FYTTD1: variants seen among roughly 807,000 people sequenced by gnomAD.
FYTTD1 encodes the protein forty-two-three domain containing 1.
In FYTTD1, 22 loss-of-function variants were observed where a neutral mutation model predicts 40.9. That is an observed-to-expected ratio of 0.54 (90% CI 0.38 to 0.77). The LOEUF is 0.77. FYTTD1 is among the 30% of genes least tolerant of loss of function. The pLI is 0.00. For synonymous variants in FYTTD1, 140 were observed against 137.9 expected (o/e 1.01, Z -0.10); for missense variants, 351 against 392.2 (o/e 0.90, Z 0.89).
intron 8 of FYTTD1, among the ~76,000 whole-genome samples, chr3:197,781,051 C>T (rs182426167): frequency 2.0e-4 from 30 of 151,804 alleles, no homozygotes; most frequent in African/African-American, 5.3e-4. Context: ...CGGTGGCTCA[C>T]GCCTGTAATC....
chr3:197,774,817 CA>C (rs1729829000), intron 6 of FYTTD1, among the ~76,000 whole-genome samples: 1 of 151,772 alleles, frequency 6.6e-6, no homozygotes, highest in African/African-American at 2.4e-5. Context: ...ATCGCCAGTG[CA>C]TACCATCCTG....
At chr3:197,770,803 C>T (rs1025280733) in intron 4 of FYTTD1, among the ~76,000 whole-genome samples, 4 of 152,202 alleles carry the variant, frequency 2.6e-5, no homozygotes, top group Non-Finnish European at 5.9e-5. Flanking sequence ...CCCACCTCAG[C>T]CTCCTAAAGT....
At chr3:197,777,071 C>A in intron 7 of FYTTD1, 70 bp downstream of exon 7, 1 of 924,736 alleles carries the variant, frequency 1.1e-6, no homozygotes, top group Non-Finnish European at 1.7e-6. Flanking sequence ...AAGTATTGGA[C>A]TTCTGCTCAG....
rs757445830 is a variant in FYTTD1 at position 197,756,543 on chromosome 3, T to C, written c.221T>C (p.Ile74Thr). ...QQFRMRVRWG[I>T]QQNSGFGKTS... is the part of the protein sequence containing the mutation. ...TTCAGGATGAGAGTGCGATGGGGAA[T>C]CCAACAGAATTCTGGTAAGTTTTGA... Residue 74 changes from isoleucine to threonine, a missense_variant, in exon 2 of 9, where the codon ATC becomes ACC. Transcript: ENST00000241502. The C allele has an allele frequency of 6.2e-7, 1 of 1,613,790 alleles. No homozygotes were observed. Among genetic ancestry groups the C allele is most frequent in the Non-Finnish European group, 8.5e-7 (1 of 1,179,704 alleles).
intron 7 of FYTTD1, among the ~76,000 whole-genome samples, chr3:197,777,226 TTA>T (rs1467266415): frequency 1.3e-5 from 2 of 152,200 alleles, no homozygotes; most frequent in Non-Finnish European, 2.9e-5. Flanking sequence ...ACAGTGTTTT[TTA>T]TGTTTTAAAA....
chr3:197,764,295 A>G (rs1729474182), intron 2 of FYTTD1, among the ~76,000 whole-genome samples: 1 of 152,184 alleles, frequency 6.6e-6, no homozygotes. Flanking sequence ...CATTTTTCTT[A>G]CTTTATGTAA....
chr3:197,780,464 G>A (rs533727040), intron 8 of FYTTD1, among the ~76,000 whole-genome samples: 63 of 152,262 alleles, frequency 4.1e-4, no homozygotes, highest in African/African-American at 1.5e-3. Flanking sequence ...GTGGTAAGAT[G>A]TATACTTGTA....
chr3:197,761,326 T>TA (rs1386993734), intron 2 of FYTTD1, among the ~76,000 whole-genome samples: 20 of 151,798 alleles, frequency 1.3e-4, no homozygotes, highest in African/African-American at 4.1e-4. Context: ...TCCTCAGTGA[T>TA]AGAGTGTATA....
Position 197,778,484 on chromosome 3 carries a change from A to G in FYTTD1, c.858+20A>G. 5 of 1,553,746 alleles carry G rather than the reference A, an allele frequency of 3.2e-6. No homozygotes were observed. Among genetic ancestry groups the G allele is most frequent in the Non-Finnish European group, 4.4e-6 (5 of 1,134,458 alleles). On this transcript the variant is annotated intron_variant, in intron 8 of 8. Transcript: ENST00000241502. ...AAACAGGTAAAAAAACGTTTTCTGT[A>G]TTTTCTTGGGTCATTTGCTGAGTAT...
chr3:197,770,366 T>G (rs1388112195), intron 4 of FYTTD1, 122 bp downstream of exon 4: 2 of 654,814 alleles, frequency 3.1e-6, no homozygotes, highest in Non-Finnish European at 5.5e-6. Flanking sequence ...GACAGATATT[T>G]GGGATGTCTA....
Position 197,756,463 on chromosome 3 carries a change from G to A in FYTTD1, c.141G>A (p.Lys47=), listed in dbSNP as rs1038525638. Residue 47 remains lysine, a synonymous_variant, in exon 2 of 9, where the codon AAG becomes AAA. Transcript: ENST00000241502. ...AGTTGAATCGAAAGGAAGGGAAGAA[G>A]CAGAATTTTCCAAGACTAAATAGAA... The part of the protein sequence containing the change: ...IIKLNRKEGK[K]QNFPRLNRRL... 46 of 1,608,772 alleles carry A rather than the reference G, an allele frequency of 2.9e-5. No homozygotes were observed. Among genetic ancestry groups the A allele is most frequent in the Non-Finnish European group, 3.7e-5 (44 of 1,175,292 alleles).
intron 4 of FYTTD1, among the ~76,000 whole-genome samples, chr3:197,773,024 C>T (rs7617270): frequency 6.6e-5 from 10 of 152,022 alleles, no homozygotes; most frequent in African/African-American, 1.9e-4. Flanking sequence ...GTTTATTTTA[C>T]GTCTTCAGTT....
chr3:197,782,646 T>C lies in FYTTD1; in HGVS notation c.*737T>C, dbSNP rs1201772462. 2.0e-5 allele frequency: 3 copies of C among 152,150 alleles called. No homozygotes were observed. The highest frequency in any genetic ancestry group is 7.2e-5 in the African/African-American group (3 of 41,428). The allele number at this position is 152,150 out of a possible 1,614,324, so 9.4% of individuals were successfully genotyped here. On this transcript the variant is annotated 3_prime_UTR_variant, in exon 9 of 9. Coordinates refer to ENST00000241502, the MANE Select transcript of FYTTD1 (RefSeq NM_032288.7). ...AAAATGACAGTTTGTGTTTAATAAA[T>C]GAAGGCATGAGAGGAAGTAAGTAGC...
intron 1 of FYTTD1, chr3:197,755,946 G>C: frequency 1.6e-6 from 1 of 635,666 alleles, no homozygotes; most frequent in Non-Finnish European, 2.8e-6. Context: ...ATTATGGGAA[G>C]TAGGTAGGAA....
rs1226004295 is a variant in FYTTD1, at chr3:197,768,383, AC to A, written c.236-54del. On this transcript the variant is annotated intron_variant, in intron 2 of 8. Transcript: ENST00000241502. ...TCCTTGGGAAATAGAATATCCTGTG[AC>A]CGTCCCAATTGAATTGTTAAATTGA... The A allele has an allele frequency of 6.1e-6, 8 of 1,304,174 alleles. No homozygotes were observed. In the East Asian group the frequency reaches 1.5e-4, roughly 24 times the overall value. 80.8% of individuals were successfully genotyped at this position (1,304,174 alleles called of 1,614,324 possible).
intron 6 of FYTTD1, among the ~76,000 whole-genome samples, chr3:197,776,007 G>T (rs1159980147): frequency 6.6e-6 from 1 of 152,168 alleles, no homozygotes; most frequent in Non-Finnish European, 1.5e-5. Context: ...AGCAGAGGTG[G>T]AGGGAAGGAA....
intron 1 of FYTTD1, among the ~76,000 whole-genome samples, chr3:197,751,474 C>T (rs1234253868): frequency 6.6e-6 from 1 of 152,132 alleles, no homozygotes; most frequent in Non-Finnish European, 1.5e-5. Context: ...GGTGAAATCC[C>T]ATGTCTACTA....
At chr3:197,762,422 C>T (rs1040304042) in intron 2 of FYTTD1, among the ~76,000 whole-genome samples, 14 of 151,398 alleles carry the variant, frequency 9.2e-5, no homozygotes, top group Non-Finnish European at 1.9e-4. Context: ...AAGCTTGTCT[C>T]TACTAAAAAT....
At chr3:197,764,709 A>C (rs1234079250) in intron 2 of FYTTD1, among the ~76,000 whole-genome samples, 17 of 4,402 alleles carry the variant, frequency 3.9e-3, no homozygotes, top group Admixed American at 9.6e-3. Context: ...AGTCCGTCCC[A>C]AAAAAAAAAA....
Sources: allele counts gnomAD v4.1 joint callset (sites outside exome capture counted in the v4.1 genomes callset), GRCh38; gene constraint gnomAD v4.1.1; transcripts MANE v1.5; gene names NCBI Gene and HGNC (gene_info 2026-07-23, HGNC 2026-07-21).